Variants in AXDND1 observed in about 807,000 individuals in gnomAD.
AXDND1 encodes the protein axonemal dynein light chain domain-containing protein 1.
A neutral mutation model predicts 137.5 loss-of-function variants in AXDND1; 110 were observed. That is an observed-to-expected ratio of 0.80 (90% CI 0.69 to 0.94). The LOEUF is 0.94. Among genes scored for constraint, AXDND1 ranks in the 40% least tolerant of loss-of-function variants. The pLI is 0.00. For missense variants in AXDND1, 1,191 were observed against 1,169.8 expected (o/e 1.02, Z -0.26); for synonymous variants, 414 against 399.7 (o/e 1.04, Z -0.43).
chr1:179,517,680 A>G (rs1042404862), intron 21 of AXDND1, among the ~76,000 whole-genome samples: 4 of 152,164 alleles, frequency 2.6e-5, no homozygotes, highest in African/African-American at 9.7e-5. Flanking sequence ...ACTCAGCTCC[A>G]GGTAAGGTTG....
chr1:179,441,581 C>T (rs990533271), intron 15 of AXDND1, among the ~76,000 whole-genome samples: 1 of 152,194 alleles, frequency 6.6e-6, no homozygotes, highest in Non-Finnish European at 1.5e-5. Flanking sequence ...AGGAATCTGA[C>T]GCTTCACTGC....
intron 21 of AXDND1, among the ~76,000 whole-genome samples, chr1:179,520,908 A>G (rs1669992923): frequency 1.4e-5 from 2 of 147,830 alleles, no homozygotes; most frequent in South Asian, 2.1e-4. Flanking sequence ...TATATTATAT[A>G]TATACAGACT....
intron 25 of AXDND1, chr1:179,552,829 G>A: frequency 1.4e-6 from 1 of 697,852 alleles, no homozygotes; most frequent in Non-Finnish European, 2.6e-6. Context: ...AGACTTCTGA[G>A]GTCAAAAGTA....
chr1:179,495,291 T>C (rs932222615), intron 20 of AXDND1, among the ~76,000 whole-genome samples: 1 of 152,176 alleles, frequency 6.6e-6, no homozygotes, highest in South Asian at 2.1e-4. Flanking sequence ...AGAATTGATA[T>C]CTTAACAATA....
intron 16 of AXDND1, chr1:179,456,000 C>G (rs1661354042): frequency 3.0e-6 from 1 of 338,060 alleles, no homozygotes; most frequent in Non-Finnish European, 5.7e-6. Flanking sequence ...ATGCTTTACA[C>G]TTTTCACAGA....
At chr1:179,376,389 G>A (rs967085994) in intron 4 of AXDND1, among the ~76,000 whole-genome samples, 3 of 152,016 alleles carry the variant, frequency 2.0e-5, no homozygotes, top group Admixed American at 6.6e-5. Context: ...TTTCATATCC[G>A]GTGAATACTG....
intron 8 of AXDND1, 69 bp from the exon 9 acceptor site, chr1:179,385,169 A>G (rs7541905): frequency 0.78 from 1,066,392 of 1,367,362 alleles, 417,026 homozygotes; most frequent in East Asian, 0.86. Flanking sequence ...CATTCAAGGT[A>G]TTAACCTCCT....
rs543150485 is a variant in AXDND1 at position 179,534,704 on chromosome 1, T to C, written c.2799-26T>C. 7.7e-6 allele frequency: 12 copies of C among 1,551,954 alleles called. No homozygotes were observed. In the South Asian group the frequency reaches 1.4e-4, roughly 18 times the overall value. Reference sequence around the variant, plus strand: ...AAATACTTTTTCAACCCTTTCTATTTTGTTGTGTCTTCTCTTCCATATCAG... The same window carrying C: ...AAATACTTTTTCAACCCTTTCTATTCTGTTGTGTCTTCTCTTCCATATCAG... On this transcript the variant is annotated intron_variant, in intron 24 of 25. Coordinates refer to ENST00000367618, the MANE Select transcript of AXDND1 (RefSeq NM_144696.6).
chr1:179,521,460 A>G (rs1041200532), intron 21 of AXDND1, among the ~76,000 whole-genome samples: 2 of 151,982 alleles, frequency 1.3e-5, no homozygotes, highest in Non-Finnish European at 2.9e-5. Flanking sequence ...TTTCTTTTTT[A>G]ATTATATTGA....
chr1:179,421,719 A>G (rs1655769236), intron 12 of AXDND1, among the ~76,000 whole-genome samples: 1 of 151,758 alleles, frequency 6.6e-6, no homozygotes, highest in Non-Finnish European at 1.5e-5. Context: ...CTAAAGCTTT[A>G]TTGATTTTGC....
intron 9 of AXDND1, among the ~76,000 whole-genome samples, chr1:179,389,311 T>G (rs552734178): frequency 3.0e-4 from 45 of 152,344 alleles, no homozygotes; most frequent in Admixed American, 1.8e-3. Context: ...AAACATTTCA[T>G]GCGTAGTCTT....
At chr1:179,501,350 A>G (rs1667980275) in intron 20 of AXDND1, among the ~76,000 whole-genome samples, 1 of 152,222 alleles carries the variant, frequency 6.6e-6, no homozygotes, top group South Asian at 2.1e-4. Context: ...AACAGAACCA[A>G]AAATTTATGG....
intron 25 of AXDND1, among the ~76,000 whole-genome samples, chr1:179,535,551 A>G (rs902265811): frequency 1.3e-5 from 2 of 152,054 alleles, no homozygotes; most frequent in Non-Finnish European, 2.9e-5. Flanking sequence ...AAGGACATGA[A>G]CTCATCCTTT....
intron 11 of AXDND1, among the ~76,000 whole-genome samples, chr1:179,407,969 T>G (rs1653243077): frequency 6.6e-6 from 1 of 152,224 alleles, no homozygotes; most frequent in Non-Finnish European, 1.5e-5. Context: ...CTCTCCTTTT[T>G]AAAGTCTGAC....
chr1:179,550,858 C>T, intron 25 of AXDND1: 1 of 398,810 alleles, frequency 2.5e-6, no homozygotes, highest in South Asian at 2.2e-5. Context: ...GTGAAAGGGA[C>T]ATCTGAACCA....
chr1:179,442,860 G>A (rs567978382), intron 15 of AXDND1, among the ~76,000 whole-genome samples: 8 of 152,292 alleles, frequency 5.3e-5, no homozygotes, highest in South Asian at 2.1e-4. Flanking sequence ...TGGGGCGAAC[G>A]TGGGAATAAA....
chr1:179,444,395 A>G (rs1659435870), intron 15 of AXDND1, among the ~76,000 whole-genome samples: 1 of 152,130 alleles, frequency 6.6e-6, no homozygotes, highest in Non-Finnish European at 1.5e-5. Flanking sequence ...GCTCTTCTAC[A>G]CTGTCTCCCC....
At chr1:179,429,870 T>G (rs1657122100) in intron 13 of AXDND1, among the ~76,000 whole-genome samples, 1 of 151,030 alleles carries the variant, frequency 6.6e-6, no homozygotes, top group Admixed American at 6.6e-5. Flanking sequence ...ATCCTATTGA[T>G]TCATGGTTAA....
At chr1:179,389,885 T>G (rs962865580) in intron 9 of AXDND1, among the ~76,000 whole-genome samples, 1 of 152,204 alleles carries the variant, frequency 6.6e-6, no homozygotes, top group East Asian at 1.9e-4. Flanking sequence ...GGTGATAAAC[T>G]CCCTGCCACT....
Sources: gnomAD v4.1 joint callset for allele counts (sites outside exome capture counted in the v4.1 genomes callset) on GRCh38, gnomAD v4.1.1 for gene constraint, MANE v1.5 for transcripts, NCBI Gene and HGNC (gene_info 2026-07-23, HGNC 2026-07-21) for gene names.